The following TVP23C variants were observed in gnomAD, a reference collection of about 807,000 sequenced individuals.
TVP23C encodes the protein trans-golgi network vesicle protein 23 homolog C.
In TVP23C, 19 loss-of-function variants were observed where a neutral mutation model predicts 28.7. That is an observed-to-expected ratio of 0.66 (90% confidence interval 0.46 to 0.97). The LOEUF (loss-of-function observed/expected upper bound fraction) is 0.97, where lower values mean the gene tolerates loss of function less well. Among genes scored for constraint, TVP23C ranks in the 50% least tolerant of loss-of-function variants. The probability of loss-of-function intolerance (pLI) is 0.00; values close to 1 mark genes in which losing one functional copy is unlikely to be tolerated. For synonymous variants in TVP23C, 68 were observed against 81.7 expected (o/e 0.83, Z 0.90); for missense variants, 186 against 241.3 (o/e 0.77, Z 1.52).
chr17:15,551,260 G>A (rs1160221275), intron 3 of TVP23C, among the ~76,000 whole-genome samples: 3 of 147,368 alleles, frequency 2.0e-5, no homozygotes, highest in Non-Finnish European at 4.5e-5. Flanking sequence ...CACCATGCCC[G>A]GCTCATTTTT....
intron 3 of TVP23C, among the ~76,000 whole-genome samples, chr17:15,547,424 C>T (rs538541383): frequency 2.0e-5 from 3 of 152,172 alleles, no homozygotes; most frequent in Admixed American, 6.5e-5. Flanking sequence ...TGCCCTTTCT[C>T]CAGTTCCCTA....
chr17:15,521,371 G>A (rs1652140946), intron 5 of TVP23C, among the ~76,000 whole-genome samples: 1 of 152,146 alleles, frequency 6.6e-6, no homozygotes, highest in African/African-American at 2.4e-5. Flanking sequence ...AGGCGTGGTG[G>A]TGGGCGCCTG....
chr17:15,515,621 C>T (rs1232313519), intron 5 of TVP23C, among the ~76,000 whole-genome samples: 1 of 152,176 alleles, frequency 6.6e-6, no homozygotes, highest in Non-Finnish European at 1.5e-5. Context: ...AGTGGAGAAT[C>T]AGAACCCAGG....
chr17:15,521,498 C>T (rs973051472), intron 5 of TVP23C, among the ~76,000 whole-genome samples: 10 of 150,930 alleles, frequency 6.6e-5, no homozygotes, highest in Non-Finnish European at 5.9e-5. Context: ...AGCGAGACTC[C>T]GTCTCAAAAA....
rs200633199 is a variant in TVP23C at position 15,538,590 on chromosome 17, CA to C, written c.*1821del. ...GGGCAAACAGAGTGAGACTCTGTCTCAAAAAAAATAAATAAATAAAAAAGTA... is the reference window on the plus strand; with the variant it reads ...GGGCAAACAGAGTGAGACTCTGTCTCAAAAAAATAAATAAATAAAAAAGTA... On this transcript the variant is annotated 3_prime_UTR_variant, in exon 6 of 6. Transcript: ENST00000518321. The C allele has an allele frequency of 9.2e-6, 9 of 980,484 alleles. No homozygotes were observed. Among genetic ancestry groups the C allele is most frequent in the East Asian group, 1.1e-4 (1 of 8,778 alleles). The allele number at this position is 980,484 out of a possible 1,614,324, so 60.7% of individuals were successfully genotyped here.
chr17:15,554,768 T>G lies in TVP23C; in HGVS notation c.95+514A>C, dbSNP rs1034328102. 5.9e-5 allele frequency among the ~76,000 whole-genome samples: 9 copies of G among 152,300 alleles called. 1 individual carries two copies. The highest frequency in any genetic ancestry group is 2.2e-4 in the African/African-American group (9 of 41,570). On this transcript the variant is annotated intron_variant, in intron 2 of 5. Transcript: ENST00000518321. ...AGCAACAGCTAATCTATCTTCTGTC[T>G]CTACAGATTTGCCTATTCTGGACAT...
At chr17:15,521,189 A>C (rs1322645857) in intron 5 of TVP23C, among the ~76,000 whole-genome samples, 1 of 151,898 alleles carries the variant, frequency 6.6e-6, no homozygotes, top group Non-Finnish European at 1.5e-5. Flanking sequence ...CTTTTTTGGT[A>C]CTTAACAAGT....
intron 1 of TVP23C, 120 bp downstream of exon 1, chr17:15,563,317 C>G: frequency 3.3e-6 from 5 of 1,499,044 alleles, no homozygotes; most frequent in Non-Finnish European, 4.5e-6. Context: ...CCACTCCCGG[C>G]CGCCCCGCTC....
chr17:15,525,201 A>G (rs1238100396), intron 5 of TVP23C, among the ~76,000 whole-genome samples: 1 of 152,248 alleles, frequency 6.6e-6, no homozygotes, highest in Non-Finnish European at 1.5e-5. Context: ...CACATGCCCA[A>G]TAAATGTTTA....
intron 1 of TVP23C, among the ~76,000 whole-genome samples, chr17:15,561,339 C>T (rs1179937008): frequency 2.0e-5 from 3 of 152,204 alleles, no homozygotes; most frequent in Non-Finnish European, 4.4e-5. Context: ...CGGCTCACGC[C>T]TGTAATCCTA....
At chr17:15,562,506 C>G (rs1195000615) in intron 1 of TVP23C, 3 of 151,982 alleles carry the variant, frequency 2.0e-5, no homozygotes, top group Non-Finnish European at 2.9e-5. Flanking sequence ...CCTGAGTCAC[C>G]ACGCCCGGCC....
At chr17:15,543,679 C>T (rs546668583) in intron 5 of TVP23C, among the ~76,000 whole-genome samples, 1,629 of 144,488 alleles carry the variant, frequency 0.011, 34 homozygotes, top group South Asian at 0.022. Context: ...ACATCCCCTA[C>T]TGTATTTTTT....
intron 5 of TVP23C, among the ~76,000 whole-genome samples, chr17:15,531,448 A>G (rs1982946884): frequency 6.6e-6 from 1 of 152,156 alleles, no homozygotes; most frequent in South Asian, 2.1e-4. Context: ...TAACTTGATA[A>G]AATGCCACAG....
chr17:15,553,007 C>T (rs1983962740), intron 3 of TVP23C, among the ~76,000 whole-genome samples: 1 of 151,288 alleles, frequency 6.6e-6, no homozygotes. Context: ...CCTTTCTATC[C>T]CCTACAGCAG....
intron 5 of TVP23C, chr17:15,506,834 G>C (rs1249143430): frequency 4.9e-6 from 3 of 610,160 alleles, no homozygotes; most frequent in Non-Finnish European, 9.0e-6. Flanking sequence ...AAGTCAGTGA[G>C]ACCAAGAACC....
chr17:15,559,625 AC>A lies in TVP23C; in HGVS notation c.12+3811del, dbSNP rs568979893. On this transcript the variant is annotated intron_variant, in intron 1 of 5. Coordinates refer to ENST00000518321, the MANE Select transcript of TVP23C (RefSeq NM_001135036.2). ...AGGGACAAAAGCACAACGCTAGGAGACTGGTTAGGAAACTACTTTAATCACG... is the reference window on the plus strand; with the variant it reads ...AGGGACAAAAGCACAACGCTAGGAGATGGTTAGGAAACTACTTTAATCACG... Among the ~76,000 whole-genome samples, 10 of 148,786 alleles carry A rather than the reference AC, an allele frequency of 6.7e-5. No homozygotes were observed. In the East Asian group the frequency reaches 2.0e-3, roughly 29 times the overall value.
chr17:15,525,409 T>G (rs950387782), intron 5 of TVP23C, among the ~76,000 whole-genome samples: 3 of 152,250 alleles, frequency 2.0e-5, no homozygotes, highest in African/African-American at 4.8e-5. Context: ...AGCTATTTTA[T>G]AGATGTGGCT....
intron 5 of TVP23C, among the ~76,000 whole-genome samples, chr17:15,531,345 A>G (rs1055425364): frequency 2.6e-5 from 4 of 152,120 alleles, no homozygotes; most frequent in Non-Finnish European, 5.9e-5. Context: ...CATGTATTTC[A>G]TTGAATTTGG....
At chr17:15,558,799 ATATGACTT>A (rs1446620946) in intron 1 of TVP23C, among the ~76,000 whole-genome samples, 1 of 148,440 alleles carries the variant, frequency 6.7e-6, no homozygotes, top group Admixed American at 6.8e-5. Flanking sequence ...ACAACAGTAC[ATATGACTT>A]CACTGCCGCA....
Sources: gnomAD v4.1 joint callset for allele counts (sites outside exome capture counted in the v4.1 genomes callset) on GRCh38, gnomAD v4.1.1 for gene constraint, MANE v1.5 for transcripts, NCBI Gene and HGNC (gene_info 2026-07-23, HGNC 2026-07-21) for gene names.